The following RCBTB2 variants were observed in gnomAD, a reference collection of about 807,000 sequenced individuals.
The protein encoded by RCBTB2 is RCC1 and BTB domain containing protein 2.
RCBTB2 carries 55 observed loss-of-function variants against 65.4 expected under a neutral mutation model. That is an observed-to-expected ratio of 0.84 (90% CI 0.68 to 1.05). The LOEUF is 1.05. Among genes scored for constraint, RCBTB2 ranks in the 50% least tolerant of loss-of-function variants. The pLI is 0.00. For missense variants in RCBTB2, 599 were observed against 680.1 expected (o/e 0.88, Z 1.33); for synonymous variants, 220 against 255.2 (o/e 0.86, Z 1.31).
intron 1 of RCBTB2, among the ~76,000 whole-genome samples, chr13:48,530,839 C>T (rs1169571626): frequency 6.6e-6 from 1 of 152,166 alleles, no homozygotes; most frequent in African/African-American, 2.4e-5. Context: ...GTTTTTTCAC[C>T]TATATACTAT....
upstream of RCBTB2, among the ~76,000 whole-genome samples, chr13:48,535,075 T>A (rs116653087): frequency 6.8e-3 from 1,033 of 152,362 alleles, 21 homozygotes; most frequent in African/African-American, 0.024. Context: ...TTTTGTATCA[T>A]TAATTTTTGG....
rs9332000 is a variant in RCBTB2 at position 48,510,768 on chromosome 13, C to A, written c.787G>T (p.Ala263Ser). ...ACTAATGTGTGTGCGTAGCCACAGG[C>A]GACCTGGAAGGAAAAAAATCCACTC... ...ALQGIRVQRV[A>S]CGYAHTLVLT... Residue 263 changes from alanine to serine, a missense_variant, in exon 10 of 15, where the codon GCC becomes TCC. Ala to Ser is a moderately conservative substitution (Grantham distance 99). Coordinates refer to ENST00000344532, the MANE Select transcript of RCBTB2 (RefSeq NM_001268.4). The A allele has an allele frequency of 6.2e-7, 1 of 1,609,436 alleles. No homozygotes were observed. The highest frequency in any genetic ancestry group is 8.5e-7 in the Non-Finnish European group (1 of 1,176,436).
In RCBTB2 at chr13:48,496,188, T is replaced by C. The variant is rs765728226; in HGVS notation, c.1515+3A>G. 2.0e-6 allele frequency: 3 copies of C among 1,478,660 alleles called. No individual in the cohort carries two copies. The highest frequency in any genetic ancestry group is 2.8e-5 in the South Asian group (2 of 71,764). The allele number at this position is 1,478,660 out of a possible 1,614,324, so 91.6% of individuals were successfully genotyped here. On this transcript the variant is annotated splice_donor_region_variant and intron_variant, in intron 14 of 14. Transcript: ENST00000344532. Reference sequence around the variant, plus strand: ...CCGGCAGCTGGAAGCAAGCTTTCCTTACCTGTGCATCATACTTCACCGCAG... The same window carrying C: ...CCGGCAGCTGGAAGCAAGCTTTCCTCACCTGTGCATCATACTTCACCGCAG...
intron 10 of RCBTB2, chr13:48,504,485 A>G (rs917187221): frequency 6.5e-6 from 2 of 306,894 alleles, no homozygotes; most frequent in African/African-American, 2.3e-5. Context: ...AACCCTACCC[A>G]TCTTGTAAGG....
chr13:48,527,216 A>C (rs907694915), intron 1 of RCBTB2, among the ~76,000 whole-genome samples: 2 of 149,754 alleles, frequency 1.3e-5, no homozygotes, highest in African/African-American at 5.0e-5. Context: ...ATCATCTCAT[A>C]TCATCTTACT....
At chr13:48,533,731 C>T (rs1190178774), upstream of RCBTB2, among the ~76,000 whole-genome samples, 1 of 152,170 alleles carries the variant, frequency 6.6e-6, no homozygotes, top group African/African-American at 2.4e-5. Context: ...CTTCTGTTGG[C>T]CTTTGTAGAT....
Position 48,510,648 on chromosome 13 carries a change from C to G in RCBTB2, c.907G>C (p.Val303Leu), listed in dbSNP as rs747137204. 6.2e-7 allele frequency: 1 copy of G among 1,614,136 alleles called. No individual in the cohort carries two copies. Among genetic ancestry groups the G allele is most frequent in the Non-Finnish European group, 8.5e-7 (1 of 1,180,014 alleles). Residue 303 changes from valine (V) to leucine (L), a missense_variant, in exon 10 of 15, where the codon GTC (valine) becomes CTC (leucine). By Grantham distance (32) the Val-to-Leu change is conservative. Transcript: ENST00000344532. The part of the protein sequence containing the change: ...NKSNQSYPTP[V>L]TVEKDRIIEI... ...TGTTACCTGTCCTTTTCCACAGTGA[C>G]AGGAGTAGGATAGGACTGGTTGCTT... is the stretch of plus-strand genomic sequence containing the variant.
chr13:48,524,169 C>T (rs1951578737), intron 2 of RCBTB2, among the ~76,000 whole-genome samples: 1 of 151,846 alleles, frequency 6.6e-6, no homozygotes, highest in Admixed American at 6.6e-5. Context: ...ACTATCATCC[C>T]CAATTTGCAT....
intron 1 of RCBTB2, among the ~76,000 whole-genome samples, chr13:48,529,113 T>C (rs1951963434): frequency 6.6e-6 from 1 of 152,214 alleles, no homozygotes; most frequent in Non-Finnish European, 1.5e-5. Context: ...AAAAGTGTCA[T>C]TTTCAAATAT....
At chr13:48,492,700 C>T (rs1949750697) in intron 14 of RCBTB2, 3 of 151,336 alleles carry the variant, frequency 2.0e-5, no homozygotes, top group Admixed American at 6.6e-5. Flanking sequence ...CTTTCCCAGC[C>T]TGCAGGAAAC....
chr13:48,533,008 C>T lies in RCBTB2; in HGVS notation c.-219+20G>A. The T allele has an allele frequency of 4.4e-6, 2 of 455,684 alleles. No individual in the cohort carries two copies. The highest frequency in any genetic ancestry group is 8.8e-6 in the Non-Finnish European group (2 of 226,612). 28.2% of individuals were successfully genotyped at this position (455,684 alleles called of 1,614,324 possible). A position where few individuals can be genotyped will look rare whatever the true frequency, so the allele number is the denominator to read the frequency against. On this transcript the variant is annotated intron_variant, in intron 1 of 14. Transcript: ENST00000344532. ...CCGCGATCCCCCTCGGCCTCCCACA[C>T]CACTCCTCCACCCTCTTACCTCCTC...
At chr13:48,495,439 T>C (rs1006513718) in intron 14 of RCBTB2, among the ~76,000 whole-genome samples, 1 of 152,222 alleles carries the variant, frequency 6.6e-6, no homozygotes, top group East Asian at 1.9e-4. Context: ...AATAGCTGCA[T>C]AATTTCTTGA....
intron 6 of RCBTB2, among the ~76,000 whole-genome samples, chr13:48,513,367 G>A (rs535334381): frequency 2.6e-5 from 4 of 152,246 alleles, no homozygotes; most frequent in African/African-American, 9.6e-5. Flanking sequence ...ACACACCCAT[G>A]TACTACTACT....
In RCBTB2 at chr13:48,496,183, T is replaced by G. The variant is rs1949959417; in HGVS notation, c.1515+8A>C. On this transcript the variant is annotated splice_region_variant and intron_variant, in intron 14 of 14. Coordinates refer to ENST00000344532, the MANE Select transcript of RCBTB2 (RefSeq NM_001268.4). Reference sequence around the variant, plus strand: ...GGAGGCCGGCAGCTGGAAGCAAGCTTTCCTTACCTGTGCATCATACTTCAC... The same window carrying G: ...GGAGGCCGGCAGCTGGAAGCAAGCTGTCCTTACCTGTGCATCATACTTCAC... The G allele has an allele frequency of 6.8e-7, 1 of 1,469,988 alleles. No individual in the cohort carries two copies. The highest frequency in any genetic ancestry group is 9.1e-7 in the Non-Finnish European group (1 of 1,102,540). 91.1% of individuals were successfully genotyped at this position (1,469,988 alleles called of 1,614,324 possible).
chr13:48,534,666 C>G (rs539149787), upstream of RCBTB2, among the ~76,000 whole-genome samples: 1 of 152,298 alleles, frequency 6.6e-6, no homozygotes, highest in South Asian at 2.1e-4. Flanking sequence ...ATGTGTTTCA[C>G]TAAAGATTTT....
intron 13 of RCBTB2, among the ~76,000 whole-genome samples, chr13:48,497,848 G>C (rs578114714): frequency 6.6e-6 from 1 of 152,294 alleles, no homozygotes; most frequent in Admixed American, 6.5e-5. Flanking sequence ...GTTGTGAATG[G>C]CTTCATTGTT....
chr13:48,500,240 C>T (rs1950172499), intron 12 of RCBTB2, among the ~76,000 whole-genome samples: 1 of 152,200 alleles, frequency 6.6e-6, no homozygotes, highest in African/African-American at 2.4e-5. Flanking sequence ...GGGCCCTAAT[C>T]CAATATGACT....
intron 13 of RCBTB2, 31 bp from the exon 14 acceptor site, chr13:48,496,352 T>G: frequency 6.7e-7 from 1 of 1,503,622 alleles, no homozygotes; most frequent in Non-Finnish European, 8.9e-7. Context: ...TTAGGGGGAG[T>G]GATTTCAAGC....
At chr13:48,522,075 T>G in intron 3 of RCBTB2, 113 bp from the exon 4 acceptor site, 1 of 943,078 alleles carries the variant, frequency 1.1e-6, no homozygotes, top group Non-Finnish European at 1.6e-6. Context: ...TCAAATGTTG[T>G]GAAAGGAAGA....
Sources: allele counts gnomAD v4.1 joint callset (sites outside exome capture counted in the v4.1 genomes callset), GRCh38; gene constraint gnomAD v4.1.1; transcripts MANE v1.5; gene names NCBI Gene and HGNC (gene_info 2026-07-23, HGNC 2026-07-21).